ZBTB7C: variants seen among roughly 807,000 people sequenced by gnomAD.
ZBTB7C encodes zinc finger and BTB domain-containing protein 7C.
A neutral mutation model predicts 25.7 loss-of-function variants in ZBTB7C; 8 were observed. That is an observed-to-expected ratio of 0.31 (90% CI 0.18 to 0.56). The LOEUF is 0.56. Among genes scored for constraint, ZBTB7C ranks in the 20% least tolerant of loss-of-function variants. The probability of loss-of-function intolerance (pLI) is 0.91; values close to 1 mark genes in which losing one functional copy is unlikely to be tolerated. For synonymous variants in ZBTB7C, 394 were observed against 369.0 expected, an observed-to-expected ratio of 1.07 and a Z score of -0.78; for missense variants, 824 against 855.2, an observed-to-expected ratio of 0.96 and a Z score of 0.46.
At chr18:48,137,092 G>A in intron 3 of ZBTB7C, 1 of 985,456 alleles carries the variant, frequency 1.0e-6, no homozygotes, top group Non-Finnish European at 1.2e-6. Flanking sequence ...ACGCGGCCGC[G>A]CTGCTCGCGG....
intron 2 of ZBTB7C, among the ~76,000 whole-genome samples, chr18:48,216,640 C>G (rs546253004): frequency 7.2e-5 from 11 of 152,100 alleles, no homozygotes; most frequent in African/African-American, 2.7e-4. Context: ...TGCTTCCTCC[C>G]CCTGACAACT....
Position 48,027,890 on chromosome 18 carries a change from T to C in ZBTB7C, c.*1370A>G, listed in dbSNP as rs1308832421. On this transcript the variant is annotated 3_prime_UTR_variant, in exon 5 of 5. Transcript: ENST00000590800. ...CAGAGCCTTCCTTTTCAGGACCTGC[T>C]GCAAATTCAAGAACCAGGAGAACAT... 1 of 152,246 alleles carries C rather than the reference T, an allele frequency of 6.6e-6. No individual in the cohort carries two copies. Among genetic ancestry groups the C allele is most frequent in the Non-Finnish European group, 1.5e-5 (1 of 68,112 alleles). The allele number at this position is 152,246 out of a possible 1,614,324, so 9.4% of individuals were successfully genotyped here. A position where few individuals can be genotyped will look rare whatever the true frequency, so the allele number is the denominator to read the frequency against.
intron 2 of ZBTB7C, among the ~76,000 whole-genome samples, chr18:48,290,143 G>C (rs866923147): frequency 8.5e-5 from 13 of 152,332 alleles, no homozygotes; most frequent in South Asian, 8.3e-4. Context: ...CTCAATAAAT[G>C]ATAGCTACTG....
At chr18:48,118,099 C>T (rs547932469) in intron 3 of ZBTB7C, among the ~76,000 whole-genome samples, 5 of 151,538 alleles carry the variant, frequency 3.3e-5, no homozygotes, top group South Asian at 2.1e-4. Flanking sequence ...TCCACCTCCC[C>T]GGTTCAAGCG....
chr18:48,369,161 G>T (rs912604626), intron 1 of ZBTB7C, among the ~76,000 whole-genome samples: 1 of 152,156 alleles, frequency 6.6e-6, no homozygotes, highest in African/African-American at 2.4e-5. Flanking sequence ...GTAAGTGGGG[G>T]AGGGTAAAGA....
rs554174265 is a variant in ZBTB7C, at chr18:48,368,512, C to T, written c.-303-30114G>A. ...GGAGTCTCAGAAGAAAAGGAGAAAA[C>T]GGGTAGAGCTGAAAAGGTGCTCAAT... On this transcript the variant is annotated intron_variant, in intron 1 of 4. Coordinates refer to ENST00000590800, the MANE Select transcript of ZBTB7C (RefSeq NM_001318841.2). Among the ~76,000 whole-genome samples, 5 of 152,144 alleles carry T rather than the reference C, an allele frequency of 3.3e-5. No homozygotes were observed. The South Asian group carries it at 6.2e-4, about 19-fold the overall frequency.
At chr18:48,357,366 G>T (rs112376457) in intron 1 of ZBTB7C, among the ~76,000 whole-genome samples, 1 of 152,200 alleles carries the variant, frequency 6.6e-6, no homozygotes, top group East Asian at 1.9e-4. Context: ...GAGAAACACA[G>T]CTGGGAACTG....
intron 1 of ZBTB7C, among the ~76,000 whole-genome samples, chr18:48,340,264 G>A (rs1334917115): frequency 1.3e-5 from 2 of 152,188 alleles, no homozygotes; most frequent in Non-Finnish European, 2.9e-5. Flanking sequence ...AAGTAACATA[G>A]GCCAAAGGCC....
At chr18:48,295,641 C>A (rs569941962) in intron 2 of ZBTB7C, among the ~76,000 whole-genome samples, 47 of 152,248 alleles carry the variant, frequency 3.1e-4, no homozygotes, top group African/African-American at 1.1e-3. Flanking sequence ...TTCAATTCAA[C>A]AAAACTTTAC....
intron 3 of ZBTB7C, chr18:48,165,183 C>T (rs538934447): frequency 5.7e-4 from 719 of 1,252,686 alleles, no homozygotes; most frequent in Non-Finnish European, 7.4e-4. Flanking sequence ...GGGGAGGGTT[C>T]TTGTCCAAGG....
intron 2 of ZBTB7C, among the ~76,000 whole-genome samples, chr18:48,205,440 A>T (rs1001293238): frequency 1.3e-5 from 2 of 152,124 alleles, no homozygotes; most frequent in Admixed American, 1.3e-4. Context: ...AAATGGAGGT[A>T]CTATGTTCAT....
intron 2 of ZBTB7C, among the ~76,000 whole-genome samples, chr18:48,298,263 G>A (rs933890522): frequency 1.4e-5 from 2 of 148,038 alleles, no homozygotes; most frequent in Admixed American, 1.3e-4. Flanking sequence ...CTGGGCAATG[G>A]AGCGAGACTC....
At chr18:48,130,747 C>T (rs1367079181) in intron 3 of ZBTB7C, among the ~76,000 whole-genome samples, 1 of 152,174 alleles carries the variant, frequency 6.6e-6, no homozygotes, top group African/African-American at 2.4e-5. Context: ...GTAATCCATC[C>T]AACTCCCCAT....
At chr18:48,118,154 C>T (rs1212312318) in intron 3 of ZBTB7C, among the ~76,000 whole-genome samples, 1 of 151,970 alleles carries the variant, frequency 6.6e-6, no homozygotes, top group Non-Finnish European at 1.5e-5. Flanking sequence ...TACAGGTGCA[C>T]ACCATGACGC....
chr18:48,271,977 T>C (rs2044502706), intron 2 of ZBTB7C, among the ~76,000 whole-genome samples: 1 of 152,198 alleles, frequency 6.6e-6, no homozygotes, highest in Non-Finnish European at 1.5e-5. Flanking sequence ...AATAAGACAA[T>C]ATAAACAAAG....
intron 2 of ZBTB7C, among the ~76,000 whole-genome samples, chr18:48,299,107 C>G (rs1310795400): frequency 6.6e-6 from 1 of 152,140 alleles, no homozygotes; most frequent in East Asian, 1.9e-4. Context: ...AGGGCAGCAT[C>G]AGGAGCAGAA....
intron 3 of ZBTB7C, among the ~76,000 whole-genome samples, chr18:48,177,406 C>A (rs2041718341): frequency 6.6e-6 from 1 of 152,188 alleles, no homozygotes; most frequent in African/African-American, 2.4e-5. Context: ...TCCTTCAGCT[C>A]CTTCTTTGAG....
chr18:48,347,968 T>C (rs72913579), intron 1 of ZBTB7C, among the ~76,000 whole-genome samples: 9,547 of 152,206 alleles, frequency 0.063, 344 homozygotes, highest in Non-Finnish European at 0.074. Flanking sequence ...GGTACAGAGG[T>C]TTCTGTGAGC....
intron 2 of ZBTB7C, among the ~76,000 whole-genome samples, chr18:48,265,856 G>A (rs1448937804): frequency 6.6e-6 from 1 of 152,222 alleles, no homozygotes; most frequent in Non-Finnish European, 1.5e-5. Flanking sequence ...ATGTGATTCT[G>A]CACTGGGCCC....
Sources: allele counts gnomAD v4.1 joint callset (sites outside exome capture counted in the v4.1 genomes callset), GRCh38; gene constraint gnomAD v4.1.1; transcripts MANE v1.5; gene names NCBI Gene and HGNC (gene_info 2026-07-23, HGNC 2026-07-21).